The following ZNF385D variants were observed in gnomAD, a reference collection of about 807,000 sequenced individuals.
ZNF385D encodes the protein zinc finger protein 659.
Under a neutral mutation model 35.8 loss-of-function variants are expected in ZNF385D, and 15 were observed. The observed-to-expected ratio is 0.42, with a 90% CI of 0.28 to 0.64. The LOEUF (loss-of-function observed/expected upper bound fraction) is 0.64, where lower values mean the gene tolerates loss of function less well. Among genes scored for constraint, ZNF385D ranks in the 30% least tolerant of loss-of-function variants. The pLI, the probability that ZNF385D is intolerant of heterozygous loss-of-function variation, is 0.23. For missense variants in ZNF385D, 474 were observed against 494.6 expected, an observed-to-expected ratio of 0.96 and a Z score of 0.39; for synonymous variants, 212 against 186.8, an observed-to-expected ratio of 1.13 and a Z score of -1.10.
intron 3 of ZNF385D, among the ~76,000 whole-genome samples, chr3:21,790,172 A>C (rs2071868379): frequency 1.3e-5 from 2 of 152,154 alleles, no homozygotes; most frequent in African/African-American, 4.8e-5. Context: ...TCTGAGGAAG[A>C]AGTCTCGGGG....
intron 3 of ZNF385D, among the ~76,000 whole-genome samples, chr3:21,564,003 C>G (rs1205382476): frequency 2.0e-5 from 3 of 152,230 alleles, no homozygotes; most frequent in African/African-American, 7.2e-5. Flanking sequence ...CAAATGTTTC[C>G]CTCCTACATG....
intron 2 of ZNF385D, among the ~76,000 whole-genome samples, chr3:21,616,501 T>G (rs1027669310): frequency 4.6e-5 from 7 of 152,190 alleles, no homozygotes; most frequent in Non-Finnish European, 1.0e-4. Flanking sequence ...ACTATTATGC[T>G]AAGTAACTAG....
chr3:21,786,613 T>C lies in ZNF385D; in HGVS notation c.326-121585A>G, dbSNP rs537966545. Among the ~76,000 whole-genome samples, 7 of 152,262 alleles carry C rather than the reference T, an allele frequency of 4.6e-5. No individual in the cohort carries two copies. In the South Asian group the frequency reaches 1.5e-3, roughly 32 times the overall value. On this transcript the variant is annotated intron_variant, in intron 3 of 5. Transcript: ENST00000494108. ...GTAAGAAAAACAACTTTCAAATATCTCCCATTGTGCAAAAACTGTGATCTG... is the reference window on the plus strand; with the variant it reads ...GTAAGAAAAACAACTTTCAAATATCCCCCATTGTGCAAAAACTGTGATCTG...
At chr3:21,499,937 C>T (rs1478617352) in intron 4 of ZNF385D, among the ~76,000 whole-genome samples, 1 of 152,116 alleles carries the variant, frequency 6.6e-6, no homozygotes, top group Non-Finnish European at 1.5e-5. Flanking sequence ...AGATTTAAAC[C>T]CATACCCATG....
At chr3:21,647,053 T>C (rs2065772804) in intron 2 of ZNF385D, among the ~76,000 whole-genome samples, 1 of 152,190 alleles carries the variant, frequency 6.6e-6, no homozygotes, top group African/African-American at 2.4e-5. Context: ...ACAGCAAATA[T>C]GGACAGATTT....
At chr3:21,813,567 G>A (rs894875534) in intron 3 of ZNF385D, among the ~76,000 whole-genome samples, 4 of 152,182 alleles carry the variant, frequency 2.6e-5, no homozygotes, top group African/African-American at 4.8e-5. Context: ...ACAAGCTTCA[G>A]TAGCTGATTT....
chr3:22,176,484 T>A (rs1443477985), intron 2 of ZNF385D, among the ~76,000 whole-genome samples: 1 of 152,204 alleles, frequency 6.6e-6, no homozygotes, highest in Non-Finnish European at 1.5e-5. Context: ...TGAAGGTTAA[T>A]GGATTGCATT....
intron 2 of ZNF385D, among the ~76,000 whole-genome samples, chr3:21,606,784 C>T (rs2064497719): frequency 6.6e-6 from 1 of 152,214 alleles, no homozygotes; most frequent in Non-Finnish European, 1.5e-5. Context: ...TGCCATCTCT[C>T]TCTGTGGAGG....
rs536148382 is a variant in ZNF385D, at chr3:21,465,259, G to C, written c.440-28056C>G. 2.0e-4 allele frequency among the ~76,000 whole-genome samples: 31 copies of C among 152,018 alleles called. No homozygotes were observed. The highest frequency in any genetic ancestry group is 3.2e-4 in the Non-Finnish European group (22 of 67,980). ...CTCCAGAGTCTTCCCAATTTCTTTT[G>C]CTAAAAGACTATTTGTATTTATCCA... On this transcript the variant is annotated intron_variant, in intron 4 of 7. Transcript: ENST00000281523. The surrounding 1 kb of genome is among the most constrained non-coding windows in gnomAD (Gnocchi z 4.2).
intron 3 of ZNF385D, among the ~76,000 whole-genome samples, chr3:22,122,853 CA>C (rs1703168245): frequency 6.6e-6 from 1 of 152,148 alleles, no homozygotes; most frequent in African/African-American, 2.4e-5. Context: ...ATGTAGAAAT[CA>C]AGCTTCCTTT....
chr3:21,493,530 T>C (rs566818572), intron 4 of ZNF385D, among the ~76,000 whole-genome samples: 1 of 152,158 alleles, frequency 6.6e-6, no homozygotes, highest in South Asian at 2.1e-4. Context: ...CTACACTAAC[T>C]TATTTTTAAG....
chr3:21,601,619 A>T (rs1279895920), intron 2 of ZNF385D, among the ~76,000 whole-genome samples: 1 of 152,200 alleles, frequency 6.6e-6, no homozygotes, highest in Non-Finnish European at 1.5e-5. Context: ...AGCAAATTTT[A>T]GTGCTAATTA....
At chr3:21,671,060 C>A (rs1365702343) in intron 1 of ZNF385D, among the ~76,000 whole-genome samples, 1 of 151,956 alleles carries the variant, frequency 6.6e-6, no homozygotes, top group African/African-American at 2.4e-5. Context: ...AACACAGGTC[C>A]CACGGAGAGG....
intron 3 of ZNF385D, among the ~76,000 whole-genome samples, chr3:21,992,182 T>C (rs966635842): frequency 2.6e-5 from 4 of 152,134 alleles, no homozygotes; most frequent in African/African-American, 7.2e-5. Context: ...ACCATAAATA[T>C]TGCCAAACAG....
intron 3 of ZNF385D, among the ~76,000 whole-genome samples, chr3:22,125,442 T>C (rs1559387811): frequency 6.6e-6 from 1 of 152,120 alleles, no homozygotes; most frequent in African/African-American, 2.4e-5. Flanking sequence ...TTTTCTATCT[T>C]TGTGAAGATT....
chr3:21,613,406 GA>G lies in ZNF385D; in HGVS notation c.166-48723del, dbSNP rs904765472. 3.2e-4 allele frequency among the ~76,000 whole-genome samples: 46 copies of G among 143,244 alleles called. 1 individual carries two copies. The highest frequency in any genetic ancestry group is 3.6e-3 in the Middle Eastern group (1 of 280). The allele number at this position is 143,244 out of a possible 152,430, so 94.0% of individuals were successfully genotyped here. On this transcript the variant is annotated intron_variant, in intron 2 of 7. Transcript: ENST00000281523. Reference sequence around the variant, plus strand: ...CTTACTTATTTTTTTGGCGGTTTTAGAAAAAAAAAAAAGTGACCATGTGAAC... The same window carrying G: ...CTTACTTATTTTTTTGGCGGTTTTAGAAAAAAAAAAAGTGACCATGTGAAC...
chr3:22,327,163 A>C (rs1402335151), intron 2 of ZNF385D, among the ~76,000 whole-genome samples: 2 of 151,946 alleles, frequency 1.3e-5, no homozygotes, highest in Non-Finnish European at 2.9e-5. Context: ...TCACCCTACC[A>C]CCCTTACTAA....
chr3:22,107,967 G>A (rs916312172), intron 3 of ZNF385D, among the ~76,000 whole-genome samples: 1 of 151,774 alleles, frequency 6.6e-6, no homozygotes, highest in African/African-American at 2.4e-5. Context: ...CTAATAAAGA[G>A]GCTTCAAGCA....
chr3:21,475,644 A>C (rs1300030651), intron 4 of ZNF385D, among the ~76,000 whole-genome samples: 1 of 152,120 alleles, frequency 6.6e-6, no homozygotes, highest in Non-Finnish European at 1.5e-5. Flanking sequence ...TTTTAATATG[A>C]GCCAAAGAGC....
Sources: allele counts gnomAD v4.1 joint callset (sites outside exome capture counted in the v4.1 genomes callset), GRCh38; gene constraint gnomAD v4.1.1; non-coding constraint Gnocchi (gnomAD v3.1); transcripts MANE v1.5; gene names NCBI Gene and HGNC (gene_info 2026-07-23, HGNC 2026-07-21).